Variants in SLC4A4 observed in about 807,000 individuals in gnomAD.
SLC4A4 encodes the protein electrogenic sodium bicarbonate cotransporter 1.
A neutral mutation model predicts 111.5 loss-of-function variants in SLC4A4; 27 were observed. The ratio of observed to expected loss-of-function variants is 0.24; its 90% CI spans 0.18 to 0.33. The LOEUF (loss-of-function observed/expected upper bound fraction) is 0.33. SLC4A4 is among the 10% of genes least tolerant of loss of function. SLC4A4 has a pLI of 1.00. For synonymous variants in SLC4A4, 443 were observed against 463.4 expected, an observed-to-expected ratio of 0.96 and a Z score of 0.57; for missense variants, 909 against 1,315.5, an observed-to-expected ratio of 0.69 and a Z score of 4.78.
intron 3 of SLC4A4, among the ~76,000 whole-genome samples, chr4:71,328,272 A>C (rs1727660971): frequency 6.6e-6 from 1 of 152,150 alleles, no homozygotes; most frequent in South Asian, 2.1e-4. Context: ...AGTATGAATA[A>C]TGCTGCAGTA....
intron 2 of SLC4A4, among the ~76,000 whole-genome samples, chr4:71,109,323 G>C (rs1333100740): frequency 1.3e-5 from 2 of 151,842 alleles, no homozygotes; most frequent in Non-Finnish European, 2.9e-5. Context: ...GCTCCCAAAA[G>C]AGGAAAAAGA....
chr4:71,120,798 C>A (rs1462568011), intron 2 of SLC4A4, among the ~76,000 whole-genome samples: 2 of 152,224 alleles, frequency 1.3e-5, no homozygotes, highest in African/African-American at 4.8e-5. Context: ...ACTCTTGGCA[C>A]CTCCTCGGCC....
intron 1 of SLC4A4, among the ~76,000 whole-genome samples, chr4:71,193,380 C>T (rs1174380710): frequency 6.6e-6 from 1 of 152,114 alleles, no homozygotes; most frequent in African/African-American, 2.4e-5. Flanking sequence ...AGGATGGTCT[C>T]GATCTCCTGA....
rs537863091 is a variant in SLC4A4 at position 71,416,472 on chromosome 4, A to T, written c.807+18819A>T. On this transcript the variant is annotated intron_variant, in intron 7 of 25. Transcript: ENST00000264485. ...TCTCACAAAACATCTTATTGTACTG[A>T]GTTCACTTATTTTCAGACCCTGCTT... is the stretch of plus-strand genomic sequence containing the variant. Among the ~76,000 whole-genome samples the T allele has an allele frequency of 4.6e-5, 7 of 152,310 alleles. No individual in the cohort carries two copies. The South Asian group carries it at 1.5e-3, about 32-fold the overall frequency.
intron 3 of SLC4A4, chr4:71,300,784 G>A (rs903095276): frequency 2.8e-5 from 10 of 359,284 alleles, no homozygotes; most frequent in East Asian, 8.1e-5. Context: ...GCAGACCCCC[G>A]CAGCCATCTG....
chr4:71,459,514 A>G (rs1577957239), intron 12 of SLC4A4, among the ~76,000 whole-genome samples: 2 of 152,052 alleles, frequency 1.3e-5, no homozygotes, highest in African/African-American at 4.8e-5. Context: ...CCACTTCAGT[A>G]TGAATATTTA....
In SLC4A4 at chr4:71,397,617, T is replaced by C. The variant is rs760870799; in HGVS notation, c.771T>C (p.Ser257=). 2 of 1,613,888 alleles carry C rather than the reference T, an allele frequency of 1.2e-6. No homozygotes were observed. The highest frequency in any genetic ancestry group is 8.5e-7 in the Non-Finnish European group (1 of 1,179,924). The change falls in exon 7 of 26, where the codon AGT becomes AGC. Residue 257 remains serine (S), a synonymous_variant. Coordinates refer to ENST00000264485, the MANE Select transcript of SLC4A4 (RefSeq NM_001098484.3). The part of the protein sequence containing the change: ...AMTHRNLTSS[S]LNDISDKPEK... ...CCCATAGGAATCTGACTTCCTCCAGTCTGAATGACATTTCTGATAAACCGG... is the reference window on the plus strand; with the variant it reads ...CCCATAGGAATCTGACTTCCTCCAGCCTGAATGACATTTCTGATAAACCGG...
intron 2 of SLC4A4, among the ~76,000 whole-genome samples, chr4:71,174,071 G>T (rs910897347): frequency 2.0e-5 from 3 of 152,068 alleles, no homozygotes; most frequent in African/African-American, 7.2e-5. Context: ...TATTCCATTG[G>T]AATTTTTATA....
chr4:71,411,717 G>A (rs1281853838), intron 7 of SLC4A4, among the ~76,000 whole-genome samples: 1 of 152,198 alleles, frequency 6.6e-6, no homozygotes, highest in Admixed American at 6.5e-5. Context: ...CACAGAAAAA[G>A]TTTGCCTGTC....
intron 1 of SLC4A4, among the ~76,000 whole-genome samples, chr4:71,201,410 G>C (rs1222296341): frequency 1.3e-5 from 2 of 152,198 alleles, no homozygotes; most frequent in East Asian, 3.9e-4. Flanking sequence ...GAACAAGGTT[G>C]AGCTGAGCGT....
intron 3 of SLC4A4, among the ~76,000 whole-genome samples, chr4:71,311,756 A>G (rs1277973324): frequency 6.6e-6 from 1 of 152,170 alleles, no homozygotes; most frequent in African/African-American, 2.4e-5. Flanking sequence ...TTGATACCCT[A>G]ACATCACAAT....
chr4:71,504,673 G>C (rs1259182094), intron 16 of SLC4A4, among the ~76,000 whole-genome samples: 1 of 131,790 alleles, frequency 7.6e-6, no homozygotes, highest in Non-Finnish European at 1.7e-5. Context: ...TGGGGGGGGG[G>C]GTGTTATTAT....
chr4:71,144,019 C>T (rs1312641533), intron 2 of SLC4A4, among the ~76,000 whole-genome samples: 1 of 152,160 alleles, frequency 6.6e-6, no homozygotes, highest in African/African-American at 2.4e-5. Flanking sequence ...GAAGTCCTTG[C>T]CCATGCCTAT....
At chr4:71,272,138 A>T (rs1226112885) in intron 3 of SLC4A4, among the ~76,000 whole-genome samples, 1 of 152,184 alleles carries the variant, frequency 6.6e-6, no homozygotes, top group Non-Finnish European at 1.5e-5. Flanking sequence ...ACTTTATCCA[A>T]GGATATGTTT....
At chr4:71,125,063 C>T (rs1743524985) in intron 2 of SLC4A4, among the ~76,000 whole-genome samples, 1 of 151,812 alleles carries the variant, frequency 6.6e-6, no homozygotes, top group South Asian at 2.1e-4. Flanking sequence ...ATTGGTACTG[C>T]ATTTTTTTTG....
At chr4:71,334,688 C>T (rs1428456893) in intron 3 of SLC4A4, among the ~76,000 whole-genome samples, 1 of 152,102 alleles carries the variant, frequency 6.6e-6, no homozygotes, top group Non-Finnish European at 1.5e-5. Flanking sequence ...ATAAGACAAC[C>T]TATGAAAGGG....
chr4:71,084,569 A>G (rs1375340348), intron 1 of SLC4A4, among the ~76,000 whole-genome samples: 14 of 151,726 alleles, frequency 9.2e-5, no homozygotes, highest in Non-Finnish European at 8.8e-5. Context: ...CCCACTGCAC[A>G]ACAGGCCCCG....
chr4:71,536,105 T>C (rs1425962077), intron 18 of SLC4A4, among the ~76,000 whole-genome samples: 1 of 152,018 alleles, frequency 6.6e-6, no homozygotes, highest in Non-Finnish European at 1.5e-5. Context: ...CTGGTAATGT[T>C]GGGTTATTTG....
chr4:71,199,133 A>G lies in SLC4A4; in HGVS notation c.-2+11732A>G, dbSNP rs554609466. Among the ~76,000 whole-genome samples the G allele has an allele frequency of 2.3e-4, 35 of 152,260 alleles. 1 individual carries two copies. Among genetic ancestry groups the G allele is most frequent in the Admixed American group, 7.8e-4 (12 of 15,294 alleles). On this transcript the variant is annotated intron_variant, in intron 1 of 25. Transcript: ENST00000264485. ...TTGTAGAATAATTTCCTGTTCTTTGATGTCGTCAGGTGTCACTGAAAGTTG... is the reference window on the plus strand; with the variant it reads ...TTGTAGAATAATTTCCTGTTCTTTGGTGTCGTCAGGTGTCACTGAAAGTTG...
Sources: allele counts gnomAD v4.1 joint callset (sites outside exome capture counted in the v4.1 genomes callset), GRCh38; gene constraint gnomAD v4.1.1; transcripts MANE v1.5; gene names NCBI Gene and HGNC (gene_info 2026-07-23, HGNC 2026-07-21).